PLEKHA5: variants seen among roughly 807,000 people sequenced by gnomAD.
PLEKHA5 encodes pleckstrin homology domain containing A5, also known as pleckstrin homology domain-containing family A member 5.
A neutral mutation model predicts 181.9 loss-of-function variants in PLEKHA5; 55 were observed. The ratio of observed to expected loss-of-function variants is 0.30; its 90% CI spans 0.24 to 0.38. The LOEUF is 0.38. Ranked by LOEUF, PLEKHA5 falls within the 10% of genes least tolerant of loss-of-function variation. The probability of loss-of-function intolerance (pLI) is 1.00; values close to 1 mark genes in which losing one functional copy is unlikely to be tolerated. For synonymous variants in PLEKHA5, 535 were observed against 529.4 expected, an observed-to-expected ratio of 1.01 and a Z score of -0.15; for missense variants, 1,432 against 1,549.5, an observed-to-expected ratio of 0.92 and a Z score of 1.27.
intron 3 of PLEKHA5, among the ~76,000 whole-genome samples, chr12:19,156,964 C>A (rs986338139): frequency 1.3e-5 from 2 of 151,250 alleles, no homozygotes; most frequent in Admixed American, 6.6e-5. Context: ...GGGGCTGAGG[C>A]AGGAGAATCG....
chr12:19,354,952 G>A (rs1033836703), intron 26 of PLEKHA5, among the ~76,000 whole-genome samples: 7 of 152,170 alleles, frequency 4.6e-5, no homozygotes, highest in Admixed American at 6.5e-5. Context: ...GAATTTTCTC[G>A]ATGAGAGGTA....
intron 11 of PLEKHA5, among the ~76,000 whole-genome samples, chr12:19,281,444 G>C (rs2076119607): frequency 6.6e-6 from 1 of 151,808 alleles, no homozygotes; most frequent in East Asian, 2.0e-4. Context: ...GGGCATGGTG[G>C]CTGGTGCCTG....
chr12:19,180,834 A>G (rs1334893349), intron 3 of PLEKHA5, among the ~76,000 whole-genome samples: 1 of 151,138 alleles, frequency 6.6e-6, no homozygotes, highest in Non-Finnish European at 1.5e-5. Context: ...CCGATTCCTG[A>G]GACTGTGCTT....
At chr12:19,154,912 A>C (rs2151374380) in intron 3 of PLEKHA5, among the ~76,000 whole-genome samples, 1 of 152,306 alleles carries the variant, frequency 6.6e-6, no homozygotes, top group South Asian at 2.1e-4. Context: ...AATGATGTTA[A>C]GTTAAAGCCA....
chr12:19,152,191 A>G (rs1043966266), intron 3 of PLEKHA5: 5 of 152,164 alleles, frequency 3.3e-5, no homozygotes, highest in African/African-American at 1.2e-4. Context: ...TGGTATTAGC[A>G]GTAGATATTT....
intron 3 of PLEKHA5, among the ~76,000 whole-genome samples, chr12:19,167,344 C>G (rs772131336): frequency 6.7e-6 from 1 of 150,160 alleles, no homozygotes; most frequent in Non-Finnish European, 1.5e-5. Flanking sequence ...CAGGAAGAGG[C>G]CTTGATTTTA....
intron 30 of PLEKHA5, among the ~76,000 whole-genome samples, 153 bp downstream of exon 30, chr12:19,366,262 T>C (rs1411196241): frequency 6.6e-6 from 1 of 152,182 alleles, no homozygotes; most frequent in Non-Finnish European, 1.5e-5. Flanking sequence ...TTCAGGAGGA[T>C]GCAGCCCCTG....
chr12:19,255,196 A>G (rs757064327), intron 5 of PLEKHA5, 31 bp downstream of exon 5: 4 of 1,492,008 alleles, frequency 2.7e-6, no homozygotes, highest in Non-Finnish European at 3.7e-6. Flanking sequence ...TTAATTATTG[A>G]TAAGGAGTAA....
chr12:19,375,512 CCTCT>C lies in PLEKHA5; in HGVS notation c.*12-14_*12-11del, dbSNP rs1302615397. ...AACGTTGCAGGTGTCAAAGTAATTT[CCTCT>C]CTCTTATTTTTCAGCTATACTGACT... On this transcript the variant is annotated splice_polypyrimidine_tract_variant and intron_variant, in intron 31 of 31. Transcript: ENST00000429027. 6.6e-6 allele frequency: 1 copy of C among 152,478 alleles called. No homozygotes were observed. Among genetic ancestry groups the C allele is most frequent in the East Asian group, 1.9e-4 (1 of 5,172 alleles). 9.4% of individuals were successfully genotyped at this position (152,478 alleles called of 1,614,324 possible).
intron 15 of PLEKHA5, chr12:19,307,280 C>T: frequency 2.4e-6 from 1 of 419,632 alleles, no homozygotes; most frequent in East Asian, 5.5e-5. Flanking sequence ...CGAGACCAAC[C>T]TGACCAACAT....
chr12:19,309,279 GT>G (rs2085452179), intron 15 of PLEKHA5, among the ~76,000 whole-genome samples: 1 of 151,690 alleles, frequency 6.6e-6, no homozygotes, highest in Non-Finnish European at 1.5e-5. Context: ...TTCATAAGAT[GT>G]TTGGGAATTT....
chr12:19,165,497 A>G (rs1591883781), intron 3 of PLEKHA5, among the ~76,000 whole-genome samples: 1 of 151,208 alleles, frequency 6.6e-6, no homozygotes, highest in Non-Finnish European at 1.5e-5. Flanking sequence ...ATTTCTGGGT[A>G]GGAACTTTTT....
chr12:19,354,691 C>G (rs1424438411), intron 26 of PLEKHA5, among the ~76,000 whole-genome samples: 7 of 151,508 alleles, frequency 4.6e-5, no homozygotes, highest in Non-Finnish European at 7.4e-5. Context: ...ACCATGTTAG[C>G]CAGGATGGTC....
chr12:19,186,365 G>T (rs929795139), intron 3 of PLEKHA5, among the ~76,000 whole-genome samples: 2 of 152,152 alleles, frequency 1.3e-5, no homozygotes, highest in Non-Finnish European at 2.9e-5. Context: ...TCTAAGTTAG[G>T]TTGGCCACAG....
intron 3 of PLEKHA5, among the ~76,000 whole-genome samples, chr12:19,234,658 T>A (rs2061139812): frequency 6.6e-6 from 1 of 152,200 alleles, no homozygotes; most frequent in Non-Finnish European, 1.5e-5. Context: ...GCAATTTTAT[T>A]ACAAAAATGT....
intron 3 of PLEKHA5, among the ~76,000 whole-genome samples, chr12:19,251,659 G>T (rs756273689): frequency 7.2e-6 from 1 of 139,632 alleles, no homozygotes; most frequent in African/African-American, 2.7e-5. Flanking sequence ...TTCCTTTAAC[G>T]TACAAATCAT....
At position 19,334,856 on chromosome 12, in the gene PLEKHA5, A is replaced by C. The variant is rs1182587039; in HGVS notation, c.2449-1659A>C. Among the ~76,000 whole-genome samples, 6 of 66,232 alleles carry C rather than the reference A, an allele frequency of 9.1e-5. 1 individual carries two copies. The highest frequency in any genetic ancestry group is 2.1e-4 in the Non-Finnish European group (6 of 28,452). The allele number at this position is 66,232 out of a possible 152,430, so 43.5% of individuals were successfully genotyped here. On this transcript the variant is annotated intron_variant, in intron 20 of 31. Transcript: ENST00000429027. ...TATATATATATATATATATATATATATATATATATATATCTCTGTATACGC... is the reference window on the plus strand; with the variant it reads ...TATATATATATATATATATATATATCTATATATATATATCTCTGTATACGC...
In PLEKHA5 at chr12:19,145,435, A is replaced by G. The variant is rs184176917; in HGVS notation, c.227+12985A>G. Among the ~76,000 whole-genome samples, 345 of 152,206 alleles carry G rather than the reference A, an allele frequency of 2.3e-3. 4 individuals are homozygous for G. The highest frequency in any genetic ancestry group is 8.1e-3 in the African/African-American group (335 of 41,534). On this transcript the variant is annotated intron_variant, in intron 3 of 31. Transcript: ENST00000429027. ...TGCTCCCCAAGAAGTTATAAGTATC[A>G]GTGGTTTAGGGTCCATTTTTCTACT...
chr12:19,290,218 A>C (rs1274673736), intron 13 of PLEKHA5, among the ~76,000 whole-genome samples: 1 of 152,188 alleles, frequency 6.6e-6, no homozygotes, highest in Non-Finnish European at 1.5e-5. Flanking sequence ...GGCGTGAGCC[A>C]CTGTGCCCGG....
Sources: gnomAD v4.1 joint callset for allele counts (sites outside exome capture counted in the v4.1 genomes callset) on GRCh38, gnomAD v4.1.1 for gene constraint, MANE v1.5 for transcripts, NCBI Gene and HGNC (gene_info 2026-07-23, HGNC 2026-07-21) for gene names.